AGBL3: variants seen among roughly 807,000 people sequenced by gnomAD.
The protein encoded by AGBL3 is cytosolic carboxypeptidase 3.
Under a neutral mutation model 94.5 loss-of-function variants are expected in AGBL3, and 68 were observed. That is an observed-to-expected ratio of 0.72 (90% CI 0.59 to 0.88). AGBL3 has a LOEUF of 0.88. AGBL3 is among the 40% of genes least tolerant of loss of function. AGBL3 has a pLI of 0.00. For missense variants in AGBL3, 934 were observed against 1,103.8 expected (o/e 0.85, Z 2.18); for synonymous variants, 354 against 370.7 (o/e 0.95, Z 0.52).
chr7:135,022,034 ATT>A (rs1302930842), intron 5 of AGBL3, among the ~76,000 whole-genome samples: 156 of 152,186 alleles, frequency 1.0e-3, no homozygotes, highest in African/African-American at 3.3e-3. Context: ...TCCATGGTGT[ATT>A]TGTACCATAT....
intron 15 of AGBL3, among the ~76,000 whole-genome samples, chr7:135,096,300 T>A (rs1468709775): frequency 6.8e-6 from 1 of 147,856 alleles, no homozygotes; most frequent in African/African-American, 2.5e-5. Flanking sequence ...ATAATACCAA[T>A]GCCAGCATGG....
chr7:135,090,829 T>C (rs1179562430), intron 15 of AGBL3, among the ~76,000 whole-genome samples: 2 of 152,102 alleles, frequency 1.3e-5, no homozygotes, highest in African/African-American at 4.8e-5. Context: ...TTTGAGGATG[T>C]TGGACCACCA....
At chr7:135,014,229 C>G (rs1219084471) in intron 4 of AGBL3, among the ~76,000 whole-genome samples, 1 of 133,590 alleles carries the variant, frequency 7.5e-6, no homozygotes, top group Non-Finnish European at 1.6e-5. Flanking sequence ...AAAAAAAAAC[C>G]CGAAATGTTG....
intron 4 of AGBL3, among the ~76,000 whole-genome samples, chr7:135,005,841 T>C (rs1336788905): frequency 6.6e-6 from 1 of 151,738 alleles, no homozygotes; most frequent in Non-Finnish European, 1.5e-5. Flanking sequence ...TGGAAGAAAG[T>C]TTGCATTTTC....
chr7:135,026,701 G>A (rs537181394), intron 5 of AGBL3, among the ~76,000 whole-genome samples: 16 of 151,596 alleles, frequency 1.1e-4, no homozygotes, highest in Admixed American at 2.0e-4. Flanking sequence ...ATAACTCCCC[G>A]TTTTATTTTC....
rs901299301 is a variant in AGBL3, at chr7:135,032,889, G to A, written c.464G>A (p.Arg155Gln). 28 of 1,550,930 alleles carry A rather than the reference G, an allele frequency of 1.8e-5. No homozygotes were observed. The highest frequency in any genetic ancestry group is 1.7e-4 in the Middle Eastern group (1 of 6,010). The part of the protein sequence containing the change: ...CFVYSRVGGN[R>Q]TPLKQPVDYR... ...GTGTATTCCCGAGTTGGGGGTAACC[G>A]AACACCTTTGAAGCAGCCTGTGGAT... is the stretch of plus-strand genomic sequence containing the variant. The change falls in exon 6 of 17, where the codon CGA (arginine) becomes CAA (glutamine). Residue 155 changes from arginine to glutamine, a missense_variant. By Grantham distance (43) the Arg-to-Gln change is conservative. Around this residue, in one of 3 missense-constraint regions of AGBL3, gnomAD observed 488 missense variants for 563.6 expected, o/e 0.87. Coordinates refer to ENST00000436302, the MANE Select transcript of AGBL3 (RefSeq NM_178563.4).
At chr7:135,040,811 G>A (rs1166551643) in intron 8 of AGBL3, among the ~76,000 whole-genome samples, 1 of 147,988 alleles carries the variant, frequency 6.8e-6, no homozygotes, top group African/African-American at 2.5e-5. Flanking sequence ...CAGACAGATT[G>A]GAAAGAAGTA....
In AGBL3 at chr7:135,034,469, G is replaced by T. The variant is rs1816098078; in HGVS notation, c.878G>T (p.Cys293Phe). Reference sequence around the variant, plus strand: ...CAATTTCCACACAACAAAGATACCTGCTACTTTGCTCATTGCTATCCATAC... The same window carrying T: ...CAATTTCCACACAACAAAGATACCTTCTACTTTGCTCATTGCTATCCATAC... ...TFQFPHNKDT[C>F]YFAHCYPYTY... Residue 293 changes from cysteine to phenylalanine, a missense_variant, in exon 7 of 17, where the codon TGC becomes TTC. Coordinates refer to ENST00000436302, the MANE Select transcript of AGBL3 (RefSeq NM_178563.4). 1 of 1,551,646 alleles carries T rather than the reference G, an allele frequency of 6.4e-7. No homozygotes were observed.
At chr7:135,021,253 T>C (rs1814407763) in intron 5 of AGBL3, among the ~76,000 whole-genome samples, 1 of 152,108 alleles carries the variant, frequency 6.6e-6, no homozygotes, top group Admixed American at 6.5e-5. Flanking sequence ...ATCTTGTTAT[T>C]AGCATTTGTA....
At chr7:135,044,299 A>T (rs1019370414) in intron 9 of AGBL3, 148 bp downstream of exon 9, 1 of 843,222 alleles carries the variant, frequency 1.2e-6, no homozygotes, top group Admixed American at 4.2e-5. Flanking sequence ...GGATGAATAA[A>T]CTCTCAAAAT....
At chr7:135,039,625 T>C (rs7786865) in intron 8 of AGBL3, among the ~76,000 whole-genome samples, 141,470 of 151,974 alleles carry the variant, frequency 0.93, 66,622 homozygotes, top group Non-Finnish European at 1. Flanking sequence ...ATCCCAGCTA[T>C]TTGGGAGGCT....
intron 11 of AGBL3, among the ~76,000 whole-genome samples, chr7:135,049,024 T>C (rs1469706418): frequency 6.6e-6 from 1 of 151,876 alleles, no homozygotes; most frequent in Non-Finnish European, 1.5e-5. Flanking sequence ...TTCCTGATCT[T>C]AGAGTAAAAG....
chr7:135,058,457 T>C (rs757569672), intron 11 of AGBL3, among the ~76,000 whole-genome samples: 2 of 152,112 alleles, frequency 1.3e-5, no homozygotes, highest in Non-Finnish European at 2.9e-5. Context: ...GTAGAATGGA[T>C]ATAGTGATAT....
intron 5 of AGBL3, among the ~76,000 whole-genome samples, chr7:135,031,398 T>C (rs1433910421): frequency 6.6e-6 from 1 of 152,162 alleles, no homozygotes; most frequent in Non-Finnish European, 1.5e-5. Context: ...TAGCTGGGAC[T>C]ACAGGCATGC....
intron 12 of AGBL3, among the ~76,000 whole-genome samples, chr7:135,071,207 T>A (rs1006118611): frequency 3.3e-5 from 5 of 152,002 alleles, no homozygotes; most frequent in African/African-American, 1.2e-4. Flanking sequence ...AAACCACTGC[T>A]CAATGAAATA....
Position 135,080,615 on chromosome 7 carries a change from T to A in AGBL3, c.2038+355T>A, listed in dbSNP as rs80352291. Among the ~76,000 whole-genome samples, 732 of 152,246 alleles carry A rather than the reference T, an allele frequency of 4.8e-3. 24 individuals are homozygous for A. The East Asian group carries it at 0.058, about 12-fold the overall frequency. ...GGCATTTATGTTTTAAAACCCATCT[T>A]TTCCCTCTCATTTTGTAATTTAGTA... On this transcript the variant is annotated intron_variant, in intron 14 of 16. Transcript: ENST00000436302.
In AGBL3 at chr7:135,034,583, C is replaced by CG; in HGVS notation, c.993dup (p.Leu332AlafsTer3). The CG allele has an allele frequency of 6.4e-7, 1 of 1,551,782 alleles. No homozygotes were observed. On this transcript the variant is annotated frameshift_variant, in exon 7 of 17. Transcript: ENST00000436302. LOFTEE classifies it high-confidence loss of function. ...TGTAAAATACGTGTTTTGTGCCACA[C>CG]GCTTGCTAGGAACATGGTGTATATT...
intron 7 of AGBL3, among the ~76,000 whole-genome samples, chr7:135,035,439 G>A (rs1816207011): frequency 1.3e-5 from 2 of 152,008 alleles, no homozygotes; most frequent in Non-Finnish European, 2.9e-5. Flanking sequence ...ATCATACACA[G>A]GTAAGTAGGA....
chr7:135,096,733 G>GAGAAAGAAAGAA (rs1441379719), intron 15 of AGBL3, among the ~76,000 whole-genome samples: 3 of 51,148 alleles, frequency 5.9e-5, no homozygotes, highest in East Asian at 5.4e-4. Flanking sequence ...AAGAAAGAAA[G>GAGAAAGAAAGAA]AGAAAGAATG....
Sources: allele counts gnomAD v4.1 joint callset (sites outside exome capture counted in the v4.1 genomes callset), GRCh38; gene constraint gnomAD v4.1.1; regional missense constraint gnomAD v4.1.1; transcripts MANE v1.5; gene names NCBI Gene and HGNC (gene_info 2026-07-23, HGNC 2026-07-21).